SUPT6H: variants seen among roughly 807,000 people sequenced by gnomAD.
SUPT6H encodes the protein transcription elongation factor SPT6.
Under a neutral mutation model 222.3 loss-of-function variants are expected in SUPT6H, and 11 were observed. The ratio of observed to expected loss-of-function variants is 0.05; its 90% CI spans 0.03 to 0.08. SUPT6H has a LOEUF of 0.08. Ranked by LOEUF, SUPT6H falls within the 10% of genes least tolerant of loss-of-function variation. SUPT6H has a pLI of 1.00. For missense variants in SUPT6H, 1,422 were observed against 2,216.0 expected (o/e 0.64, Z 7.19); for synonymous variants, 762 against 801.2 (o/e 0.95, Z 0.83).
At position 28,689,506 on chromosome 17, in the gene SUPT6H, C is replaced by T. The variant is rs2031545300; in HGVS notation, c.3287C>T (p.Pro1096Leu). 1.2e-6 allele frequency: 2 copies of T among 1,614,066 alleles called. No individual in the cohort carries two copies. The highest frequency in any genetic ancestry group is 1.7e-5 in the Admixed American group (1 of 60,000). Residue 1096 changes from proline (P) to leucine (L), a missense_variant, in exon 25 of 37, where the codon CCA (proline) becomes CTA (leucine). By Grantham distance (98) the Pro-to-Leu change is moderately conservative. This residue lies in a region of SUPT6H where 16 missense variants were observed against 88.5 expected (regional missense o/e 0.18). Transcript: ENST00000314616. ...GCCCTTGAAGAAATCTTGGAAAACCCAGAGCGACTGAAAGACCTGGACCTT... is the reference window on the plus strand; with the variant it reads ...GCCCTTGAAGAAATCTTGGAAAACCTAGAGCGACTGAAAGACCTGGACCTT... ...AGALEEILENPERLKDLDLDA... is the reference protein window; with the variant it reads ...AGALEEILENLERLKDLDLDA...
At chr17:28,681,044 G>A (rs1267180550) in intron 11 of SUPT6H, 12 of 515,226 alleles carry the variant, frequency 2.3e-5, no homozygotes, top group Middle Eastern at 5.4e-4. Flanking sequence ...TCAACCGCCC[G>A]GGTTCAAGTG....
chr17:28,685,840 A>G (rs1276368176), intron 19 of SUPT6H, among the ~76,000 whole-genome samples: 1 of 152,206 alleles, frequency 6.6e-6, no homozygotes, highest in African/African-American at 2.4e-5. Flanking sequence ...CTCACATTTT[A>G]GCAAAAGTCA....
chr17:28,686,480 C>G, intron 20 of SUPT6H, 65 bp downstream of exon 20: 1 of 1,572,478 alleles, frequency 6.4e-7, no homozygotes, highest in East Asian at 2.2e-5. Context: ...ATTATTGAGT[C>G]TGGCATATGC....
chr17:28,674,647 G>A (rs560469013), intron 4 of SUPT6H, 34 bp downstream of exon 4: 5 of 1,603,428 alleles, frequency 3.1e-6, no homozygotes, highest in African/African-American at 1.3e-5. Flanking sequence ...GTCCCTGGGG[G>A]TAAAGGAAAA....
At chr17:28,686,489 G>A (rs983845188) in intron 20 of SUPT6H, 74 bp downstream of exon 20, 19 of 1,561,142 alleles carry the variant, frequency 1.2e-5, no homozygotes, top group Non-Finnish European at 1.7e-5. Flanking sequence ...TCTGGCATAT[G>A]CCCATAACAG....
chr17:28,682,171 G>C (rs965308649), intron 13 of SUPT6H, 191 bp downstream of exon 13: 1 of 504,670 alleles, frequency 2.0e-6, no homozygotes, highest in African/African-American at 1.9e-5. Context: ...TGATGGTTCA[G>C]CCTCTCCCTA....
At chr17:28,667,986 G>C (rs1007884723) in intron 1 of SUPT6H, among the ~76,000 whole-genome samples, 6 of 151,834 alleles carry the variant, frequency 4.0e-5, no homozygotes, top group African/African-American at 1.5e-4. Flanking sequence ...TTTCACTCTG[G>C]TCTCCTCTTA....
intron 4 of SUPT6H, 106 bp downstream of exon 4, chr17:28,674,719 T>A: frequency 9.3e-7 from 1 of 1,073,934 alleles, no homozygotes; most frequent in Non-Finnish European, 1.4e-6. Context: ...TGGAGAACAT[T>A]AGAGCACGGT....
In SUPT6H at chr17:28,686,935, G is replaced by A. The variant is rs2031412036; in HGVS notation, c.2700+146G>A. The A allele has an allele frequency of 2.0e-6, 3 of 1,477,872 alleles. No homozygotes were observed. In the East Asian group the frequency reaches 6.9e-5, roughly 34 times the overall value. The allele number at this position is 1,477,872 out of a possible 1,614,324, so 91.5% of individuals were successfully genotyped here. Reference sequence around the variant, plus strand: ...AGAAGTTCTCCGTTTTGCAGTTACGGTTCAGATTGGGAGTCCCAGAAATTA... The same window carrying A: ...AGAAGTTCTCCGTTTTGCAGTTACGATTCAGATTGGGAGTCCCAGAAATTA... On this transcript the variant is annotated intron_variant, in intron 21 of 36. Coordinates refer to ENST00000314616, the MANE Select transcript of SUPT6H (RefSeq NM_003170.5).
chr17:28,700,894 AAAC>A, intron 35 of SUPT6H, 44 bp from the exon 36 acceptor site: 1 of 1,561,986 alleles, frequency 6.4e-7, no homozygotes, highest in Non-Finnish European at 8.7e-7. Context: ...CAGCAAGGCC[AAAC>A]AAGCCCCACA....
At chr17:28,668,409 C>T (rs1384719616) in intron 1 of SUPT6H, among the ~76,000 whole-genome samples, 1 of 152,108 alleles carries the variant, frequency 6.6e-6, no homozygotes, top group East Asian at 1.9e-4. Context: ...ACATCTAGCT[C>T]CTGCAAGTTG....
At chr17:28,673,774 T>C (rs1279375867) in intron 2 of SUPT6H, among the ~76,000 whole-genome samples, 1 of 152,240 alleles carries the variant, frequency 6.6e-6, no homozygotes, top group African/African-American at 2.4e-5. Context: ...AATAAATCAG[T>C]AGATAAGTCT....
Position 28,684,416 on chromosome 17 carries a change from A to G in SUPT6H, c.2230-170A>G, listed in dbSNP as rs556253146. ...TCTCTGTATACACTCCTGTTTCCAC[A>G]AGCAAGATATGCCTTCAGGTGGTAA... On this transcript the variant is annotated intron_variant, in intron 17 of 36. Coordinates refer to ENST00000314616, the MANE Select transcript of SUPT6H (RefSeq NM_003170.5). Among the ~76,000 whole-genome samples the G allele has an allele frequency of 7.2e-4, 109 of 152,260 alleles. 1 individual carries two copies. The highest frequency in any genetic ancestry group is 2.5e-3 in the African/African-American group (103 of 41,546).
intron 2 of SUPT6H, among the ~76,000 whole-genome samples, chr17:28,673,838 G>A (rs531966273): frequency 2.3e-4 from 35 of 152,040 alleles, no homozygotes; most frequent in Non-Finnish European, 4.9e-4. Context: ...TATTCACCTC[G>A]TTTCCTATTT....
intron 19 of SUPT6H, 120 bp downstream of exon 19, chr17:28,685,081 C>G: frequency 1.0e-6 from 1 of 962,070 alleles, no homozygotes; most frequent in Non-Finnish European, 1.6e-6. Flanking sequence ...CTGATCTGGT[C>G]ACTGACTTGT....
intron 29 of SUPT6H, 81 bp downstream of exon 29, chr17:28,695,628 A>G: frequency 6.9e-7 from 1 of 1,453,352 alleles, no homozygotes. Flanking sequence ...CAGGATGCAC[A>G]TGTGTCAGTC....
At chr17:28,670,739 A>G (rs914540336) in intron 1 of SUPT6H, among the ~76,000 whole-genome samples, 15 of 152,066 alleles carry the variant, frequency 9.9e-5, no homozygotes, top group African/African-American at 3.6e-4. Flanking sequence ...ATGCAAAATT[A>G]GCCAGCATGG....
intron 17 of SUPT6H, among the ~76,000 whole-genome samples, chr17:28,684,054 T>A (rs1222323455): frequency 6.6e-6 from 1 of 152,094 alleles, no homozygotes; most frequent in African/African-American, 2.4e-5. Flanking sequence ...TAAAATAACA[T>A]GGTTTTACCG....
In SUPT6H at chr17:28,701,504, C is replaced by T. The variant is rs750039995; in HGVS notation, c.5060C>T (p.Ala1687Val). 2.2e-5 allele frequency: 35 copies of T among 1,614,054 alleles called. No homozygotes were observed. The highest frequency in any genetic ancestry group is 2.7e-5 in the Non-Finnish European group (32 of 1,180,044). Residue 1687 changes from alanine (A) to valine (V), a missense_variant, in exon 37 of 37, where the codon GCA (alanine) becomes GTA (valine). By Grantham distance (64) the Ala-to-Val change is moderately conservative (BLOSUM62 0). Transcript: ENST00000314616. ...MAEQWLQEKE[A>V]ERRKQKQRLT... ...GAGCAGTGGCTGCAGGAAAAGGAGGCAGAACGGCGGAAACAGAAGCAGCGG... is the reference window on the plus strand; with the variant it reads ...GAGCAGTGGCTGCAGGAAAAGGAGGTAGAACGGCGGAAACAGAAGCAGCGG...
Sources: gnomAD v4.1 joint callset for allele counts (sites outside exome capture counted in the v4.1 genomes callset) on GRCh38, gnomAD v4.1.1 for gene constraint, gnomAD v4.1.1 regional missense constraint, MANE v1.5 for transcripts, NCBI Gene and HGNC (gene_info 2026-07-23, HGNC 2026-07-21) for gene names.